The following TF variants were observed in gnomAD, a reference collection of about 807,000 sequenced individuals.
TF encodes the protein serotransferrin.
A neutral mutation model predicts 82.4 loss-of-function variants in TF; 55 were observed. The observed-to-expected ratio is 0.67, with a 90% CI of 0.54 to 0.84. The LOEUF (loss-of-function observed/expected upper bound fraction) is 0.84. Ranked by LOEUF, TF falls within the 40% of genes least tolerant of loss-of-function variation. TF has a pLI of 0.00. For synonymous variants in TF, 332 were observed against 332.6 expected (o/e 1.00, Z 0.02); for missense variants, 737 against 868.4 (o/e 0.85, Z 1.90).
intron 13 of TF, among the ~76,000 whole-genome samples, chr3:133,768,993 C>A (rs1382447738): frequency 6.6e-6 from 1 of 152,014 alleles, no homozygotes; most frequent in Non-Finnish European, 1.5e-5. Flanking sequence ...AGGGTTTTGC[C>A]ATGTTGCCTA....
At chr3:133,740,866 T>C in the TF span, among the ~76,000 whole-genome samples, 1 of 151,562 alleles carries the variant, frequency 6.6e-6, no homozygotes, top group African/African-American at 2.4e-5. Flanking sequence ...GATTTAATCC[T>C]AGGCATTTGT....
rs546634950 is a variant in TF, at chr3:133,770,551, A to T, written c.1666A>T (p.Thr556Ser). ...KGDVAFVKHQ[T>S]VPQNTGGKNP... ...AGATGTGGCCTTTGTGAAACACCAG[A>T]CTGTCCCACAGAACACTGGGGGTAA... The change falls in exon 14 of 17, where the codon ACT becomes TCT. Residue 556 changes from threonine (T) to serine (S), a missense_variant. By Grantham distance (58) the Thr-to-Ser change is moderately conservative (BLOSUM62 1). Coordinates refer to ENST00000402696, the MANE Select transcript of TF (RefSeq NM_001063.4). 1 of 1,613,936 alleles carries T rather than the reference A, an allele frequency of 6.2e-7. No individual in the cohort carries two copies. The highest frequency in any genetic ancestry group is 1.1e-5 in the South Asian group (1 of 91,068).
chr3:133,731,191 G>A, the TF span, among the ~76,000 whole-genome samples: 1 of 152,242 alleles, frequency 6.6e-6, no homozygotes, highest in East Asian at 1.9e-4. Flanking sequence ...TTTGGCCCTA[G>A]GAGCACTGGA....
chr3:133,755,973 G>A (rs908245514), intron 5 of TF, among the ~76,000 whole-genome samples: 5 of 152,078 alleles, frequency 3.3e-5, no homozygotes, highest in Admixed American at 3.3e-4. Context: ...ACCAGCCAAA[G>A]GCACATTTTC....
At chr3:133,679,500 A>G in the TF span, among the ~76,000 whole-genome samples, 1 of 150,024 alleles carries the variant, frequency 6.7e-6, no homozygotes, top group Non-Finnish European at 1.5e-5. Flanking sequence ...TTCTGCCACT[A>G]TAGATAAGTT....
the TF span, among the ~76,000 whole-genome samples, chr3:133,679,409 G>A: frequency 1.7e-4 from 26 of 152,106 alleles, no homozygotes; most frequent in Admixed American, 9.2e-4. Context: ...GTGAATCTTC[G>A]CAAATATAAC....
the TF span, among the ~76,000 whole-genome samples, chr3:133,665,923 G>A: frequency 6.8e-5 from 6 of 88,294 alleles, no homozygotes; most frequent in Admixed American, 3.0e-4. Flanking sequence ...CAAAAAGAGC[G>A]AAACTCCATC....
the TF span, among the ~76,000 whole-genome samples, chr3:133,719,391 C>T: frequency 6.6e-6 from 1 of 152,128 alleles, no homozygotes; most frequent in Non-Finnish European, 1.5e-5. Flanking sequence ...TTTCTTTGTC[C>T]ATGACATTTT....
At chr3:133,756,433 T>C (rs112879972) in intron 6 of TF, 96 bp downstream of exon 6, 2 of 1,348,058 alleles carry the variant, frequency 1.5e-6, no homozygotes, top group Non-Finnish European at 2.1e-6. Context: ...GAAATGAGCA[T>C]ACTGTATTTC....
the TF span, among the ~76,000 whole-genome samples, chr3:133,665,228 A>G: frequency 6.6e-6 from 1 of 152,170 alleles, no homozygotes; most frequent in Non-Finnish European, 1.5e-5. Context: ...GTACTTTGGA[A>G]GGCCAAGGTG....
the TF span, among the ~76,000 whole-genome samples, chr3:133,675,242 CAAAAAAAAA>C: frequency 1.8e-5 from 1 of 55,452 alleles, no homozygotes; most frequent in African/African-American, 7.0e-5. Context: ...GAGACTCTGT[CAAAAAAAAA>C]AAAAAAAAAA....
the TF span, among the ~76,000 whole-genome samples, chr3:133,736,631 C>CAAAAAAGAAAAACAAAAAAAAAAAAAAA: frequency 3.1e-5 from 1 of 32,552 alleles, no homozygotes; most frequent in Non-Finnish European, 5.4e-5. Context: ...AATGGAAAGC[C>CAAAAAAGAAAAACAAAAAAAAAAAAAAA]AAAAAAAAAA....
the TF span, among the ~76,000 whole-genome samples, chr3:133,682,255 C>T: frequency 3.3e-5 from 5 of 152,146 alleles, no homozygotes; most frequent in African/African-American, 1.2e-4. Context: ...GGAGAGAAAC[C>T]AGAGCAGAAA....
chr3:133,754,915 C>T (rs1162269357), intron 4 of TF, among the ~76,000 whole-genome samples: 2 of 152,222 alleles, frequency 1.3e-5, no homozygotes, highest in East Asian at 1.9e-4. Context: ...GAGGAAAGGG[C>T]GCAAGGCTCG....
At chr3:133,759,072 G>A in intron 8 of TF, 103 bp from the exon 9 acceptor site, 1 of 1,456,100 alleles carries the variant, frequency 6.9e-7, no homozygotes, top group Non-Finnish European at 9.6e-7. Flanking sequence ...TTTGTTTATT[G>A]CTGGCAAATC....
chr3:133,665,467 CAAAAAAAA>C, the TF span, among the ~76,000 whole-genome samples: 3 of 123,928 alleles, frequency 2.4e-5, no homozygotes, highest in African/African-American at 9.6e-5. Flanking sequence ...GACCCTATCT[CAAAAAAAA>C]AAAAAAGAAA....
chr3:133,716,524 G>T, the TF span, among the ~76,000 whole-genome samples: 1 of 151,934 alleles, frequency 6.6e-6, no homozygotes, highest in Non-Finnish European at 1.5e-5. Flanking sequence ...ACCTTCTCAA[G>T]GTATCCAGAA....
the TF span, among the ~76,000 whole-genome samples, chr3:133,724,583 A>G: frequency 1.3e-5 from 2 of 152,072 alleles, no homozygotes; most frequent in African/African-American, 4.8e-5. Context: ...CGGTTGCGAA[A>G]ATTTTCTCCC....
Position 133,757,891 on chromosome 3 carries a change from G to A in TF, c.993G>A (p.Lys331=), listed in dbSNP as rs140829783. 899 of 1,614,238 alleles carry A rather than the reference G, an allele frequency of 5.6e-4. 5 individuals carry two copies. The African/African-American group carries it at 9.6e-3, about 17-fold the overall frequency. The change falls in exon 8 of 17, where the codon AAG becomes AAA. Residue 331 remains lysine, a synonymous_variant. Transcript: ENST00000402696. ...FLKVPPRMDA[K]MYLGYEYVTA... The stretch of plus-strand genomic sequence containing the variant: ...AAGTCCCCCCCAGGATGGATGCCAA[G>A]ATGTACCTGGGCTATGAGTATGTCA...
Sources: allele counts gnomAD v4.1 joint callset (sites outside exome capture counted in the v4.1 genomes callset), GRCh38; gene constraint gnomAD v4.1.1; transcripts MANE v1.5; gene names NCBI Gene and HGNC (gene_info 2026-07-23, HGNC 2026-07-21).